RHOU: variants seen among roughly 807,000 people sequenced by gnomAD.
RHOU encodes the protein rho-related GTP-binding protein RhoU.
Under a neutral mutation model 12.6 loss-of-function variants are expected in RHOU, and 8 were observed. The ratio of observed to expected loss-of-function variants is 0.64; its 90% CI spans 0.37 to 1.15. The LOEUF (loss-of-function observed/expected upper bound fraction) is 1.15. Among genes scored for constraint, RHOU ranks in the 50% most tolerant of loss-of-function variants. The pLI, the probability that RHOU is intolerant of heterozygous loss-of-function variation, is 0.01. For synonymous variants in RHOU, 161 were observed against 147.4 expected (o/e 1.09, Z -0.67); for missense variants, 258 against 347.0 (o/e 0.74, Z 2.04).
At chr1:228,662,014 A>G in the RHOU span, among the ~76,000 whole-genome samples, 2 of 152,200 alleles carry the variant, frequency 1.3e-5, no homozygotes, top group Admixed American at 6.5e-5. Context: ...CAAAAAGTGG[A>G]CAAAGTATAT....
At chr1:228,677,294 G>A in the RHOU span, among the ~76,000 whole-genome samples, 1 of 152,160 alleles carries the variant, frequency 6.6e-6, no homozygotes, top group Non-Finnish European at 1.5e-5. Context: ...GTCCAAATAA[G>A]AGAAAGAGAA....
chr1:228,722,957 T>A, the RHOU span, among the ~76,000 whole-genome samples: 1 of 152,158 alleles, frequency 6.6e-6, no homozygotes, highest in South Asian at 2.1e-4. Context: ...CAAGACCCAA[T>A]GCTCCAGGTA....
the RHOU span, among the ~76,000 whole-genome samples, chr1:228,647,040 G>A: frequency 6.6e-6 from 1 of 152,176 alleles, no homozygotes; most frequent in Non-Finnish European, 1.5e-5. Flanking sequence ...AGAGTGAGGA[G>A]GAGGGAGCTA....
the RHOU span, among the ~76,000 whole-genome samples, chr1:228,684,896 G>A: frequency 2.0e-5 from 3 of 152,244 alleles, no homozygotes; most frequent in South Asian, 2.1e-4. Context: ...AATTCAGGAC[G>A]AGTTTGTAAA....
the RHOU span, among the ~76,000 whole-genome samples, chr1:228,707,107 T>TAC: frequency 5.7e-5 from 5 of 88,322 alleles, no homozygotes; most frequent in African/African-American, 2.0e-4. Context: ...TATACATACA[T>TAC]ATATATATAT....
At chr1:228,699,356 G>GT in the RHOU span, among the ~76,000 whole-genome samples, 1 of 150,204 alleles carries the variant, frequency 6.7e-6, no homozygotes, top group Non-Finnish European at 1.5e-5. Context: ...GCTGAGGTGG[G>GT]AGGATCACTC....
At chr1:228,671,712 CA>C in the RHOU span, among the ~76,000 whole-genome samples, 142 of 65,264 alleles carry the variant, frequency 2.2e-3, no homozygotes, top group South Asian at 8.2e-3. Flanking sequence ...GACTCCATCT[CA>C]AAAAAAAAAA....
At chr1:228,664,319 C>T in the RHOU span, among the ~76,000 whole-genome samples, 1 of 151,816 alleles carries the variant, frequency 6.6e-6, no homozygotes, top group Non-Finnish European at 1.5e-5. Context: ...GCCTGGATTT[C>T]TTCATAAAGA....
chr1:228,649,491 C>T, the RHOU span, among the ~76,000 whole-genome samples: 5 of 152,102 alleles, frequency 3.3e-5, no homozygotes, highest in Non-Finnish European at 7.4e-5. Context: ...GACAAAACAG[C>T]GCTTAAAAGG....
chr1:228,736,834 A>T (rs919111011), intron 1 of RHOU, among the ~76,000 whole-genome samples: 9 of 109,222 alleles, frequency 8.2e-5, no homozygotes, highest in South Asian at 6.8e-4. Context: ...TTGCTTCTTT[A>T]AAAAAAAATT....
chr1:228,683,517 A>G, the RHOU span, among the ~76,000 whole-genome samples: 23 of 152,362 alleles, frequency 1.5e-4, no homozygotes, highest in East Asian at 4.4e-3. Context: ...TTTGGGAAAT[A>G]TACTAAAATG....
chr1:228,720,705 C>T, the RHOU span, among the ~76,000 whole-genome samples: 3 of 152,180 alleles, frequency 2.0e-5, no homozygotes, highest in Non-Finnish European at 4.4e-5. Context: ...GGTTTAAGAA[C>T]CACCCAATCT....
the RHOU span, among the ~76,000 whole-genome samples, chr1:228,723,177 G>A: frequency 1.3e-5 from 2 of 152,302 alleles, no homozygotes; most frequent in African/African-American, 4.8e-5. Flanking sequence ...TGGTCCTCAT[G>A]CCAGTTTCGA....
chr1:228,653,341 C>T, the RHOU span, among the ~76,000 whole-genome samples: 125 of 151,886 alleles, frequency 8.2e-4, no homozygotes, highest in Non-Finnish European at 1.5e-3. Flanking sequence ...TTTTTTTTGA[C>T]GGAGTTTTGC....
chr1:228,652,579 G>A, the RHOU span: 1 of 152,056 alleles, frequency 6.6e-6, no homozygotes, highest in African/African-American at 2.4e-5. Flanking sequence ...AATAAAATCA[G>A]CAGACCACAT....
chr1:228,717,210 CA>C, the RHOU span, among the ~76,000 whole-genome samples: 1 of 152,164 alleles, frequency 6.6e-6, no homozygotes, highest in Non-Finnish European at 1.5e-5. Context: ...TCAAACTGTC[CA>C]AAATGCCTAT....
At chr1:228,672,363 A>G in the RHOU span, among the ~76,000 whole-genome samples, 2 of 152,156 alleles carry the variant, frequency 1.3e-5, no homozygotes, top group African/African-American at 4.8e-5. Context: ...TTGTTTCAAC[A>G]TGTTTGCCAG....
chr1:228,738,588 C>G lies in RHOU; in HGVS notation c.321+857C>G, dbSNP rs569839167. Among the ~76,000 whole-genome samples the G allele has an allele frequency of 9.3e-4, 142 of 152,338 alleles. No homozygotes were observed. In the Middle Eastern group the frequency reaches 0.01, roughly 11 times the overall value. On this transcript the variant is annotated intron_variant, in intron 2 of 2. Transcript: ENST00000366691. The surrounding 1 kb of genome is among the most constrained non-coding windows in gnomAD (Gnocchi z 4.2). The stretch of plus-strand genomic sequence containing the variant: ...TTCTGAGGTGCCATCACATGACTAT[C>G]TGTGTTTATGAAGGCACTGGCTTTC...
chr1:228,687,630 C>T, the RHOU span: 10 of 1,559,440 alleles, frequency 6.4e-6, no homozygotes, highest in African/African-American at 1.2e-4. Flanking sequence ...ACTGGAACTG[C>T]ACAAACTGGC....
Sources: allele counts gnomAD v4.1 joint callset (sites outside exome capture counted in the v4.1 genomes callset), GRCh38; gene constraint gnomAD v4.1.1; non-coding constraint Gnocchi (gnomAD v3.1); transcripts MANE v1.5; gene names NCBI Gene and HGNC (gene_info 2026-07-23, HGNC 2026-07-21).